AGAP1: variants seen among roughly 807,000 people sequenced by gnomAD.
The protein encoded by AGAP1 is ArfGAP with GTPase domain, ankyrin repeat and PH domain 1, also known as arf-GAP with GTPase, ANK repeat and PH domain-containing protein 1.
A neutral mutation model predicts 105.3 loss-of-function variants in AGAP1; 29 were observed. The ratio of observed to expected loss-of-function variants is 0.28; its 90% CI spans 0.21 to 0.38. The LOEUF (loss-of-function observed/expected upper bound fraction) is 0.38, where lower values mean the gene tolerates loss of function less well. AGAP1 is among the 10% of genes least tolerant of loss of function. AGAP1 has a pLI of 1.00. For synonymous variants in AGAP1, 509 were observed against 485.9 expected, an observed-to-expected ratio of 1.05 and a Z score of -0.63; for missense variants, 998 against 1,165.1, an observed-to-expected ratio of 0.86 and a Z score of 2.09.
Position 235,955,880 on chromosome 2 carries a change from G to A in AGAP1, c.1484-12582G>A, listed in dbSNP as rs142141531. Among the ~76,000 whole-genome samples, 397 of 152,244 alleles carry A rather than the reference G, an allele frequency of 2.6e-3. 3 individuals carry two copies. Among genetic ancestry groups the A allele is most frequent in the South Asian group, 0.023 (109 of 4,820 alleles). ...TTCAGGACCCTGGACAAAGCCCCTC[G>A]CTGTACTGGCCTAAGGAGCCCACCT... On this transcript the variant is annotated intron_variant, in intron 12 of 17. Coordinates refer to ENST00000304032, the MANE Select transcript of AGAP1 (RefSeq NM_001037131.3).
chr2:235,765,742 T>C (rs1954898755), intron 6 of AGAP1, among the ~76,000 whole-genome samples: 2 of 152,228 alleles, frequency 1.3e-5, no homozygotes, highest in Non-Finnish European at 2.9e-5. Context: ...CTGTGAATTC[T>C]GGAGTTTCAG....
chr2:235,704,148 C>T (rs1351036563), intron 1 of AGAP1, among the ~76,000 whole-genome samples: 1 of 152,196 alleles, frequency 6.6e-6, no homozygotes, highest in Non-Finnish European at 1.5e-5. Context: ...AAGCAGGGCT[C>T]ATCTCTGAGG....
Position 235,740,199 on chromosome 2 carries a change from G to C in AGAP1, c.311-764G>C, listed in dbSNP as rs1952497119. On this transcript the variant is annotated intron_variant, in intron 3 of 17. Coordinates refer to ENST00000304032, the MANE Select transcript of AGAP1 (RefSeq NM_001037131.3). This position sits in a 1 kb window ranked among gnomAD's most constrained non-coding sequence, Gnocchi z 5.7. ...CTAGCGGGCCGGGCTGGGCACTGCA[G>C]CAACCTTGTACCATCCCCTCCTGAG... Among the ~76,000 whole-genome samples, 1 of 152,128 alleles carries C rather than the reference G, an allele frequency of 6.6e-6. No homozygotes were observed. Among genetic ancestry groups the C allele is most frequent in the Non-Finnish European group, 1.5e-5 (1 of 68,008 alleles).
chr2:235,695,557 A>T (rs1189864167), intron 1 of AGAP1, among the ~76,000 whole-genome samples: 2 of 152,088 alleles, frequency 1.3e-5, no homozygotes, highest in African/African-American at 4.8e-5. Context: ...ATTACACTTG[A>T]TCTGTCGTGG....
rs1028304725 is a variant in AGAP1, at chr2:235,577,140, G to C, written c.163+82291G>C. On this transcript the variant is annotated intron_variant, in intron 1 of 17. Transcript: ENST00000304032. This position sits in a 1 kb window ranked among gnomAD's most constrained non-coding sequence, Gnocchi z 4.5. ...ATGCCAGCCACATACGTCATTTAAAGTTTTCTACTAGCTACATTAGAAAAA... is the reference window on the plus strand; with the variant it reads ...ATGCCAGCCACATACGTCATTTAAACTTTTCTACTAGCTACATTAGAAAAA... Among the ~76,000 whole-genome samples the C allele has an allele frequency of 2.6e-5, 4 of 152,146 alleles. No individual in the cohort carries two copies. Among genetic ancestry groups the C allele is most frequent in the African/African-American group, 9.7e-5 (4 of 41,428 alleles).
intron 9 of AGAP1, among the ~76,000 whole-genome samples, chr2:235,868,348 C>T (rs947549570): frequency 2.0e-5 from 3 of 152,294 alleles, no homozygotes; most frequent in South Asian, 2.1e-4. Flanking sequence ...ATCACACGTG[C>T]ACCGTCCTTT....
rs75839212 is a variant in AGAP1 at position 235,888,066 on chromosome 2, C to G, written c.1155+4617C>G. ...GTAAGGCTGCGCCCTGGTGCCACCACCAGCCTCCTTCCATTTGCTTATCAT... is the reference window on the plus strand; with the variant it reads ...GTAAGGCTGCGCCCTGGTGCCACCAGCAGCCTCCTTCCATTTGCTTATCAT... On this transcript the variant is annotated intron_variant, in intron 10 of 17. Transcript: ENST00000304032. This position sits in a 1 kb window ranked among gnomAD's most constrained non-coding sequence, Gnocchi z 4.8. Among the ~76,000 whole-genome samples, 7,168 of 152,224 alleles carry G rather than the reference C, an allele frequency of 0.047. 411 individuals are homozygous for G. Among genetic ancestry groups the G allele is most frequent in the African/African-American group, 0.13 (5,528 of 41,516 alleles).
rs1230880857 is a variant in AGAP1 at position 235,904,654 on chromosome 2, C to A, written c.1156-4084C>A. Among the ~76,000 whole-genome samples the A allele has an allele frequency of 2.6e-5, 4 of 152,178 alleles. No homozygotes were observed. Among genetic ancestry groups the A allele is most frequent in the Admixed American group, 2.6e-4 (4 of 15,276 alleles). ...TCCTGTCTTAATTTTACCGAGGTCC[C>A]TAACTCAGACCCGTGAAGGGTCTGC... On this transcript the variant is annotated intron_variant, in intron 10 of 17. Coordinates refer to ENST00000304032, the MANE Select transcript of AGAP1 (RefSeq NM_001037131.3). The surrounding 1 kb of genome is among the most constrained non-coding windows in gnomAD (Gnocchi z 4.2).
Position 235,494,482 on chromosome 2 carries a change from G to T in AGAP1, c.-205G>T, listed in dbSNP as rs1373964968. The T allele has an allele frequency of 7.0e-6, 1 of 143,386 alleles. No individual in the cohort carries two copies. Among genetic ancestry groups the T allele is most frequent in the Non-Finnish European group, 1.5e-5 (1 of 64,892 alleles). The allele number at this position is 143,386 out of a possible 1,614,324, so 8.9% of individuals were successfully genotyped here. On this transcript the variant is annotated 5_prime_UTR_variant, in exon 1 of 18. Transcript: ENST00000304032. Reference sequence around the variant, plus strand: ...GACGCCGGGGCCCGCTCGCTCGCCGGCCGCGCGTCCCGGCCATGAACTGAG... The same window carrying T: ...GACGCCGGGGCCCGCTCGCTCGCCGTCCGCGCGTCCCGGCCATGAACTGAG...
rs34419216 is a variant in AGAP1, at chr2:236,098,620, C to CTTTTTTTTTTTTTTTTTTTT, written c.2115-21553_2115-21552insTTTTTTTTTTTTTTTTTTTT. On this transcript the variant is annotated intron_variant, in intron 16 of 17. Coordinates refer to ENST00000304032, the MANE Select transcript of AGAP1 (RefSeq NM_001037131.3). ...GCTGACTTGATGAAATCTTTTTTTC[C>CTTTTTTTTTTTTTTTTTTTT]TTTTTTTTTTTTTTTTTTTAGAGAA... is the stretch of plus-strand genomic sequence containing the variant. 7.7e-3 allele frequency among the ~76,000 whole-genome samples: 885 copies of CTTTTTTTTTTTTTTTTTTTT among 115,104 alleles called. 91 individuals are homozygous for CTTTTTTTTTTTTTTTTTTTT. Among genetic ancestry groups the CTTTTTTTTTTTTTTTTTTTT allele is most frequent in the African/African-American group, 0.031 (794 of 25,672 alleles). The allele number at this position is 115,104 out of a possible 152,430, so 75.5% of individuals were successfully genotyped here.
At chr2:235,646,024 C>G (rs1318788134) in intron 1 of AGAP1, among the ~76,000 whole-genome samples, 3 of 152,066 alleles carry the variant, frequency 2.0e-5, no homozygotes, top group Admixed American at 6.6e-5. Context: ...CACTTGTAAT[C>G]CCAGCACTTT....
At chr2:235,497,069 C>G (rs1249397045) in intron 1 of AGAP1, among the ~76,000 whole-genome samples, 1 of 152,216 alleles carries the variant, frequency 6.6e-6, no homozygotes, top group Non-Finnish European at 1.5e-5. Flanking sequence ...TTCTGTAGAA[C>G]TTTAACAGAA....
At chr2:236,023,723 G>T (rs2056958570) in intron 13 of AGAP1, among the ~76,000 whole-genome samples, 1 of 152,146 alleles carries the variant, frequency 6.6e-6, no homozygotes, top group Non-Finnish European at 1.5e-5. Context: ...CCCAGGCTGA[G>T]CATGTCATCT....
At chr2:235,840,594 C>T (rs1270198137) in intron 9 of AGAP1, among the ~76,000 whole-genome samples, 1 of 152,086 alleles carries the variant, frequency 6.6e-6, no homozygotes, top group Non-Finnish European at 1.5e-5. Context: ...AGGGCAGGAG[C>T]CCAGGCAGGA....
Position 235,793,084 on chromosome 2 carries a change from G to A in AGAP1, c.674-4675G>A, listed in dbSNP as rs1267296531. On this transcript the variant is annotated intron_variant, in intron 6 of 17. Coordinates refer to ENST00000304032, the MANE Select transcript of AGAP1 (RefSeq NM_001037131.3). The surrounding 1 kb of genome is among the most constrained non-coding windows in gnomAD (Gnocchi z 5.3). ...GGAAGCCCGAGGAGGATGCAGAAGA[G>A]GAAAGGAGGGAATGACGAGGAACGC... 6.6e-6 allele frequency among the ~76,000 whole-genome samples: 1 copy of A among 152,140 alleles called. No homozygotes were observed. The highest frequency in any genetic ancestry group is 2.4e-5 in the African/African-American group (1 of 41,446).
chr2:236,069,402 A>G (rs1049370455), intron 16 of AGAP1, among the ~76,000 whole-genome samples: 3 of 152,192 alleles, frequency 2.0e-5, no homozygotes, highest in East Asian at 3.8e-4. Context: ...ACATATGAGC[A>G]TAGCACATGA....
intron 1 of AGAP1, among the ~76,000 whole-genome samples, chr2:235,591,160 C>T (rs754458557): frequency 1.3e-5 from 2 of 152,146 alleles, no homozygotes; most frequent in Non-Finnish European, 2.9e-5. Context: ...GGATTACAGG[C>T]ACCCACCAGC....
intron 1 of AGAP1, among the ~76,000 whole-genome samples, chr2:235,603,831 C>G (rs950317483): frequency 6.6e-6 from 1 of 152,084 alleles, no homozygotes; most frequent in African/African-American, 2.4e-5. Flanking sequence ...AATTTGAGCA[C>G]TGGAATTCTT....
Position 235,721,559 on chromosome 2 carries a change from G to A in AGAP1, c.310+3915G>A, listed in dbSNP as rs115916440. On this transcript the variant is annotated intron_variant, in intron 3 of 17. Coordinates refer to ENST00000304032, the MANE Select transcript of AGAP1 (RefSeq NM_001037131.3). This position sits in a 1 kb window ranked among gnomAD's most constrained non-coding sequence, Gnocchi z 4.5. ...ACTTCAGTCCTAGCACTGTAGTAAC[G>A]AACTGCCACACACAGTGTGGCTTAA... Among the ~76,000 whole-genome samples the A allele has an allele frequency of 6.4e-3, 972 of 151,968 alleles. 18 individuals are homozygous for A. Among genetic ancestry groups the A allele is most frequent in the African/African-American group, 0.022 (926 of 41,462 alleles).
Sources: gnomAD v4.1 joint callset for allele counts (sites outside exome capture counted in the v4.1 genomes callset) on GRCh38, gnomAD v4.1.1 for gene constraint, Gnocchi (gnomAD v3.1) non-coding constraint, MANE v1.5 for transcripts, NCBI Gene and HGNC (gene_info 2026-07-23, HGNC 2026-07-21) for gene names.